Variants in BCL11B observed in about 807,000 individuals in gnomAD.
The protein encoded by BCL11B is BCL11 transcription factor B.
Under a neutral mutation model 49.9 loss-of-function variants are expected in BCL11B, and 8 were observed. The ratio of observed to expected loss-of-function variants is 0.16; its 90% CI spans 0.09 to 0.29. The LOEUF is 0.29. Ranked by LOEUF, BCL11B falls within the 10% of genes least tolerant of loss-of-function variation. BCL11B has a pLI of 1.00. For synonymous variants in BCL11B, 739 were observed against 637.4 expected (o/e 1.16, Z -2.40); for missense variants, 1,006 against 1,351.0 (o/e 0.74, Z 4.00).
Position 99,195,499 on chromosome 14 carries a change from A to C in BCL11B, c.641-19304T>G, listed in dbSNP as rs1887153518. On this transcript the variant is annotated intron_variant, in intron 3 of 3. Coordinates refer to ENST00000357195, the MANE Select transcript of BCL11B (RefSeq NM_138576.4). This position sits in a 1 kb window ranked among gnomAD's most constrained non-coding sequence, Gnocchi z 4.7. ...TACTGCACTGGGCTTTGCACCCCCA[A>C]AACAATGGCTGGCCCTTGCTGAGCA... 6.6e-6 allele frequency among the ~76,000 whole-genome samples: 1 copy of C among 152,064 alleles called. No homozygotes were observed. The highest frequency in any genetic ancestry group is 1.5e-5 in the Non-Finnish European group (1 of 68,008).
intron 3 of BCL11B, among the ~76,000 whole-genome samples, chr14:99,191,921 G>A (rs561349953): frequency 2.6e-5 from 4 of 152,262 alleles, no homozygotes; most frequent in East Asian, 3.9e-4. Flanking sequence ...ACTCTTTCAC[G>A]CAGCATCAAC....
At chr14:99,233,484 A>T (rs1053527045) in intron 2 of BCL11B, among the ~76,000 whole-genome samples, 1 of 152,186 alleles carries the variant, frequency 6.6e-6, no homozygotes, top group Non-Finnish European at 1.5e-5. Context: ...CAATCCAGCC[A>T]TTGGAAGCTG....
At chr14:99,261,932 C>T (rs1044493635) in intron 1 of BCL11B, among the ~76,000 whole-genome samples, 3 of 152,132 alleles carry the variant, frequency 2.0e-5, no homozygotes, top group African/African-American at 7.2e-5. Context: ...AACAAAACCA[C>T]ATTTTATTTA....
chr14:99,193,718 C>T (rs1445940019), intron 3 of BCL11B, among the ~76,000 whole-genome samples: 3 of 152,186 alleles, frequency 2.0e-5, no homozygotes. Flanking sequence ...ACTAACGAAC[C>T]CCACTGCCAA....
rs185286751 is a variant in BCL11B at position 99,247,073 on chromosome 14, T to G, written c.427+10398A>C. 5.3e-5 allele frequency among the ~76,000 whole-genome samples: 8 copies of G among 152,278 alleles called. No homozygotes were observed. Among genetic ancestry groups the G allele is most frequent in the African/African-American group, 1.9e-4 (8 of 41,550 alleles). ...TTTTCAGCGTTCCAGACCACAGCGCTGCAGTCTACGCTGCCCTGACGCTGG... is the reference window on the plus strand; with the variant it reads ...TTTTCAGCGTTCCAGACCACAGCGCGGCAGTCTACGCTGCCCTGACGCTGG... On this transcript the variant is annotated intron_variant, in intron 2 of 3. Coordinates refer to ENST00000357195, the MANE Select transcript of BCL11B (RefSeq NM_138576.4). The surrounding 1 kb of genome is among the most constrained non-coding windows in gnomAD (Gnocchi z 4.5).
chr14:99,181,052 C>A (rs1195518852), intron 3 of BCL11B, among the ~76,000 whole-genome samples: 1 of 152,154 alleles, frequency 6.6e-6, no homozygotes, highest in African/African-American at 2.4e-5. Flanking sequence ...AAAAACACAC[C>A]TTTAATTGAA....
chr14:99,244,936 C>G (rs1274579070), intron 2 of BCL11B, among the ~76,000 whole-genome samples: 1 of 152,102 alleles, frequency 6.6e-6, no homozygotes, highest in Non-Finnish European at 1.5e-5. Context: ...TCAATTCTGC[C>G]TGGTTTAGAT....
intron 3 of BCL11B, among the ~76,000 whole-genome samples, chr14:99,229,123 G>GATGGATACAGGGATGA (rs2139885419): frequency 1.3e-4 from 12 of 89,430 alleles, no homozygotes; most frequent in African/African-American, 4.5e-4. Flanking sequence ...GGGATGAATG[G>GATGGATACAGGGATGA]ATGGATGGAT....
intron 3 of BCL11B, among the ~76,000 whole-genome samples, chr14:99,220,230 A>G (rs1746982796): frequency 6.6e-6 from 1 of 152,054 alleles, no homozygotes; most frequent in East Asian, 1.9e-4. Context: ...TGACGCAGAA[A>G]CTCCACTTCC....
chr14:99,225,724 C>T (rs1314703817), intron 3 of BCL11B, among the ~76,000 whole-genome samples: 1 of 152,212 alleles, frequency 6.6e-6, no homozygotes, highest in Admixed American at 6.5e-5. Flanking sequence ...ACAGCAACAT[C>T]TTGTATGGAT....
intron 3 of BCL11B, among the ~76,000 whole-genome samples, chr14:99,179,518 G>A (rs1886640021): frequency 1.4e-5 from 2 of 147,336 alleles, no homozygotes; most frequent in Admixed American, 1.4e-4. Flanking sequence ...AACTAACTTG[G>A]AGCAACATAG....
intron 2 of BCL11B, among the ~76,000 whole-genome samples, chr14:99,246,880 G>T (rs1888859967): frequency 6.6e-6 from 1 of 152,178 alleles, no homozygotes; most frequent in African/African-American, 2.4e-5. Context: ...CTTGCAAGTT[G>T]CAAACGTCGG....
intron 3 of BCL11B, among the ~76,000 whole-genome samples, chr14:99,222,575 G>A (rs765446768): frequency 1.3e-5 from 2 of 152,192 alleles, no homozygotes; most frequent in Non-Finnish European, 2.9e-5. Flanking sequence ...AGAAAATCTC[G>A]CTCATGCTCT....
chr14:99,221,692 G>A (rs1888013507), intron 3 of BCL11B, among the ~76,000 whole-genome samples: 1 of 152,262 alleles, frequency 6.6e-6, no homozygotes, highest in Admixed American at 6.5e-5. Context: ...GACGCGCAAG[G>A]AAAGCAATTT....
At chr14:99,230,010 G>A (rs976772627) in intron 3 of BCL11B, among the ~76,000 whole-genome samples, 1 of 152,204 alleles carries the variant, frequency 6.6e-6, no homozygotes, top group African/African-American at 2.4e-5. Context: ...GAGATTTTGG[G>A]TTTTGCTTTG....
rs556840516 is a variant in BCL11B, at chr14:99,174,976, G to A, written c.1860C>T (p.Arg620=). The A allele has an allele frequency of 1.6e-5, 25 of 1,564,002 alleles. No homozygotes were observed. The highest frequency in any genetic ancestry group is 3.5e-4 in the Middle Eastern group (2 of 5,654). The change falls in exon 4 of 4, where the codon CGC becomes CGT. Residue 620 remains arginine, a synonymous_variant. Coordinates refer to ENST00000357195, the MANE Select transcript of BCL11B (RefSeq NM_138576.4). ...YGELLADKQK[R]GAFLKRAAGG... is the part of the protein sequence containing the mutation. ...CCGCCGCACGCTTCAGGAAGGCGCC[G>A]CGCTTCTGCTTGTCGGCCAGGAGCT...
At chr14:99,201,700 G>A (rs1887389625) in intron 3 of BCL11B, among the ~76,000 whole-genome samples, 1 of 152,204 alleles carries the variant, frequency 6.6e-6, no homozygotes, top group African/African-American at 2.4e-5. Flanking sequence ...CTCACACCCA[G>A]CACTGGCATC....
Position 99,229,706 on chromosome 14 carries a change from G to A in BCL11B, c.640+1639C>T, listed in dbSNP as rs201296206. Among the ~76,000 whole-genome samples the A allele has an allele frequency of 2.6e-5, 4 of 152,350 alleles. No homozygotes were observed. The East Asian group carries it at 7.7e-4, about 29-fold the overall frequency. ...AAAGCCCTGGGTGAGCCTCTGGTGA[G>A]ATCAGATTTCTGTGCCACGGAACTT... On this transcript the variant is annotated intron_variant, in intron 3 of 3. Coordinates refer to ENST00000357195, the MANE Select transcript of BCL11B (RefSeq NM_138576.4).
chr14:99,245,000 G>A (rs1888784573), intron 2 of BCL11B, among the ~76,000 whole-genome samples: 1 of 152,188 alleles, frequency 6.6e-6, no homozygotes, highest in African/African-American at 2.4e-5. Context: ...GCCTGGAAAA[G>A]CTGTCACAGT....
Sources: allele counts gnomAD v4.1 joint callset (sites outside exome capture counted in the v4.1 genomes callset), GRCh38; gene constraint gnomAD v4.1.1; non-coding constraint Gnocchi (gnomAD v3.1); transcripts MANE v1.5; gene names NCBI Gene and HGNC (gene_info 2026-07-23, HGNC 2026-07-21).